Variants in KLRG1 observed in about 807,000 individuals in gnomAD.
KLRG1 encodes killer cell lectin-like receptor subfamily G member 1.
A neutral mutation model predicts 21.8 loss-of-function variants in KLRG1; 16 were observed. The ratio of observed to expected loss-of-function variants is 0.73; its 90% confidence interval spans 0.50 to 1.11. The LOEUF is 1.11. Ranked by LOEUF, KLRG1 falls within the 50% of genes most tolerant of loss-of-function variation. KLRG1 has a pLI of 0.00. For synonymous variants in KLRG1, 69 were observed against 75.9 expected, an observed-to-expected ratio of 0.91 and a Z score of 0.47; for missense variants, 173 against 218.3, an observed-to-expected ratio of 0.79 and a Z score of 1.31.
chr12:9,115,007 A>G, the KLRG1 span, among the ~76,000 whole-genome samples: 2 of 152,212 alleles, frequency 1.3e-5, no homozygotes, highest in Non-Finnish European at 2.9e-5. Context: ...GATTGCAAGA[A>G]TTAAACAACA....
At chr12:9,000,680 C>T (rs1947279932) in intron 3 of KLRG1, among the ~76,000 whole-genome samples, 1 of 152,202 alleles carries the variant, frequency 6.6e-6, no homozygotes, top group Non-Finnish European at 1.5e-5. Context: ...CAAGGTTCTT[C>T]CGTGTTGTAG....
the KLRG1 span, among the ~76,000 whole-genome samples, chr12:9,016,452 C>G: frequency 1.3e-5 from 2 of 152,040 alleles, no homozygotes; most frequent in Non-Finnish European, 1.5e-5. Flanking sequence ...CAAGATTGAA[C>G]CGTGAAGAAA....
chr12:9,053,693 T>C, the KLRG1 span, among the ~76,000 whole-genome samples: 3 of 152,330 alleles, frequency 2.0e-5, no homozygotes, highest in East Asian at 5.8e-4. Context: ...ACCTGCTTCC[T>C]CCTAGTTGTT....
At chr12:9,113,070 A>AT in the KLRG1 span, among the ~76,000 whole-genome samples, 5 of 141,648 alleles carry the variant, frequency 3.5e-5, no homozygotes, top group African/African-American at 1.3e-4. Flanking sequence ...CTTTATTAAT[A>AT]TTTTTTCCAT....
chr12:9,211,639 GTGGTATTATGTTTGCC>G, the KLRG1 span, among the ~76,000 whole-genome samples: 25 of 152,256 alleles, frequency 1.6e-4, no homozygotes, highest in Non-Finnish European at 3.4e-4. Context: ...GTTTCCTTTG[GTGGTATTATGTTTGCC>G]TGGTTCATCA....
chr12:9,158,390 T>A, the KLRG1 span: 1 of 1,612,442 alleles, frequency 6.2e-7, no homozygotes, highest in Non-Finnish European at 8.5e-7. Flanking sequence ...TTGATGTGTG[T>A]CAGGCTCAGA....
chr12:9,092,483 G>C, the KLRG1 span, among the ~76,000 whole-genome samples: 1 of 151,938 alleles, frequency 6.6e-6, no homozygotes, highest in African/African-American at 2.4e-5. Context: ...CCTAAGGGTT[G>C]GGCTTCTAAA....
At chr12:9,174,230 A>G in the KLRG1 span, among the ~76,000 whole-genome samples, 11 of 152,334 alleles carry the variant, frequency 7.2e-5, no homozygotes, top group East Asian at 2.1e-3. Context: ...CAAAAACCAC[A>G]TGGTTATCTC....
At chr12:9,092,492 A>C in the KLRG1 span, among the ~76,000 whole-genome samples, 113 of 152,282 alleles carry the variant, frequency 7.4e-4, 1 homozygote, top group Non-Finnish European at 9.9e-4. Context: ...TGGGCTTCTA[A>C]ACAGCCTGCA....
At chr12:9,146,181 T>C in the KLRG1 span, among the ~76,000 whole-genome samples, 1 of 152,134 alleles carries the variant, frequency 6.6e-6, no homozygotes, top group African/African-American at 2.4e-5. Flanking sequence ...TTGATGGTGC[T>C]ACATAAGTTC....
At chr12:9,076,457 T>C in the KLRG1 span, among the ~76,000 whole-genome samples, 1 of 152,238 alleles carries the variant, frequency 6.6e-6, no homozygotes, top group South Asian at 2.1e-4. Context: ...ACCAGCATAC[T>C]ATAGAGATGG....
At chr12:8,983,146 A>G (rs1946782936) in intron 1 of KLRG1, among the ~76,000 whole-genome samples, 1 of 152,108 alleles carries the variant, frequency 6.6e-6, no homozygotes, top group Non-Finnish European at 1.5e-5. Context: ...AAAAGAAAAT[A>G]AATATAATTC....
At chr12:9,152,673 G>A in the KLRG1 span, 23 of 781,500 alleles carry the variant, frequency 2.9e-5, no homozygotes, top group Middle Eastern at 3.8e-4. Flanking sequence ...AAAGGATCAC[G>A]TCATAATGAT....
At chr12:8,993,588 G>A (rs777802252) in intron 2 of KLRG1, among the ~76,000 whole-genome samples, 6 of 152,116 alleles carry the variant, frequency 3.9e-5, no homozygotes, top group East Asian at 1.9e-4. Flanking sequence ...GCGCTCTGCC[G>A]ATTTATTAGG....
chr12:9,097,361 T>G, the KLRG1 span, among the ~76,000 whole-genome samples: 5 of 152,164 alleles, frequency 3.3e-5, no homozygotes, highest in East Asian at 5.8e-4. Context: ...AAAGCTTCAG[T>G]AAGAGGTTAT....
chr12:9,115,773 G>A, the KLRG1 span: 39 of 1,612,918 alleles, frequency 2.4e-5, no homozygotes, highest in South Asian at 4.2e-4. Flanking sequence ...CGGTTTTCCA[G>A]AGACTGAGGC....
chr12:9,175,698 A>G, the KLRG1 span, among the ~76,000 whole-genome samples: 1 of 152,240 alleles, frequency 6.6e-6, no homozygotes, highest in African/African-American at 2.4e-5. Context: ...CAACAAACAT[A>G]TGAAGAAAAG....
the KLRG1 span, among the ~76,000 whole-genome samples, chr12:9,101,851 G>A: frequency 2.0e-5 from 3 of 152,174 alleles, no homozygotes; most frequent in African/African-American, 7.2e-5. Context: ...ATGTAGGCAT[G>A]CTTTGTGACT....
chr12:8,999,610 G>A (rs959501791), intron 3 of KLRG1, among the ~76,000 whole-genome samples: 1 of 152,308 alleles, frequency 6.6e-6, no homozygotes, highest in African/African-American at 2.4e-5. Context: ...TTTTAATCAG[G>A]TAATGAAAAC....
Sources: allele counts gnomAD v4.1 joint callset (sites outside exome capture counted in the v4.1 genomes callset), GRCh38; gene constraint gnomAD v4.1.1; transcripts MANE v1.5; gene names NCBI Gene and HGNC (gene_info 2026-07-23, HGNC 2026-07-21).